The following CTNNBL1 variants were observed in gnomAD, a reference collection of about 807,000 sequenced individuals.
CTNNBL1 encodes catenin beta like 1.
Under a neutral mutation model 72.7 loss-of-function variants are expected in CTNNBL1, and 31 were observed. That is an observed-to-expected ratio of 0.43 (90% CI 0.32 to 0.58). The LOEUF is 0.58. Ranked by LOEUF, CTNNBL1 falls within the 20% of genes least tolerant of loss-of-function variation. The probability of loss-of-function intolerance (pLI) is 0.08; values close to 1 mark genes in which losing one functional copy is unlikely to be tolerated. For missense variants in CTNNBL1, 534 were observed against 725.1 expected, an observed-to-expected ratio of 0.74 and a Z score of 3.03; for synonymous variants, 240 against 267.3, an observed-to-expected ratio of 0.90 and a Z score of 1.00.
chr20:37,850,118 A>G (rs1264045898), intron 13 of CTNNBL1, among the ~76,000 whole-genome samples: 2 of 152,064 alleles, frequency 1.3e-5, no homozygotes, highest in Admixed American at 6.5e-5. Context: ...TCAGCCTTGT[A>G]TTATTGCATC....
At chr20:37,816,924 T>C (rs1459060744) in intron 11 of CTNNBL1, among the ~76,000 whole-genome samples, 1 of 152,202 alleles carries the variant, frequency 6.6e-6, no homozygotes, top group South Asian at 2.1e-4. Context: ...GTGATTTTCC[T>C]GATGATGTGT....
intron 13 of CTNNBL1, among the ~76,000 whole-genome samples, chr20:37,848,853 C>A (rs1207730902): frequency 6.6e-6 from 1 of 151,690 alleles, no homozygotes; most frequent in African/African-American, 2.4e-5. Flanking sequence ...GGCTAAGTGC[C>A]AGGGCCTCCC....
At chr20:37,848,519 C>T (rs1433879843) in intron 13 of CTNNBL1, among the ~76,000 whole-genome samples, 1 of 152,162 alleles carries the variant, frequency 6.6e-6, no homozygotes, top group Non-Finnish European at 1.5e-5. Context: ...CAAAACACAG[C>T]TTACAGCCAG....
At chr20:37,718,039 C>T (rs899463583) in intron 1 of CTNNBL1, among the ~76,000 whole-genome samples, 1 of 152,222 alleles carries the variant, frequency 6.6e-6, no homozygotes, top group African/African-American at 2.4e-5. Context: ...CATCCGATTT[C>T]TCAATCTTTT....
intron 5 of CTNNBL1, among the ~76,000 whole-genome samples, chr20:37,758,298 TGAG>T (rs2073383077): frequency 6.6e-6 from 1 of 152,216 alleles, no homozygotes; most frequent in South Asian, 2.1e-4. Flanking sequence ...TGCCATCTTT[TGAG>T]GAGCCTAGGC....
chr20:37,869,450 G>T (rs1449762139), intron 15 of CTNNBL1, among the ~76,000 whole-genome samples: 1 of 152,242 alleles, frequency 6.6e-6, no homozygotes, highest in East Asian at 1.9e-4. Flanking sequence ...AGTGCAGGCA[G>T]CCATCCTAGT....
chr20:37,738,712 A>C (rs974237366), intron 3 of CTNNBL1, among the ~76,000 whole-genome samples: 1 of 152,250 alleles, frequency 6.6e-6, no homozygotes, highest in Non-Finnish European at 1.5e-5. Flanking sequence ...AAGAAACAGT[A>C]AATACCAAGT....
At chr20:37,699,070 A>C (rs537808006) in intron 1 of CTNNBL1, among the ~76,000 whole-genome samples, 6 of 152,272 alleles carry the variant, frequency 3.9e-5, no homozygotes, top group African/African-American at 1.4e-4. Context: ...AACAAACAAA[A>C]AAACTCCTTG....
chr20:37,711,477 A>G (rs1046442813), intron 1 of CTNNBL1, among the ~76,000 whole-genome samples: 6 of 151,434 alleles, frequency 4.0e-5, no homozygotes, highest in African/African-American at 1.5e-4. Flanking sequence ...CGTTGGGAAT[A>G]AAGTGCTAAA....
At chr20:37,778,434 A>C (rs1324351141) in intron 9 of CTNNBL1, among the ~76,000 whole-genome samples, 2 of 152,278 alleles carry the variant, frequency 1.3e-5, no homozygotes, top group East Asian at 1.9e-4. Context: ...CCTCCACCCC[A>C]AAAATAGAGC....
At chr20:37,707,053 T>G (rs928572376) in intron 1 of CTNNBL1, among the ~76,000 whole-genome samples, 1 of 152,190 alleles carries the variant, frequency 6.6e-6, no homozygotes, top group African/African-American at 2.4e-5. Context: ...GCTTAAAATA[T>G]TCAGTAAACA....
rs562079783 is a variant in CTNNBL1, at chr20:37,855,203, T to C, written c.1393-4696T>C. ...TGTTCTCTCTGAGTTGACTTTTCTGTGCCTTTGTGCATGCTCTTATCTCCT... is the reference window on the plus strand; with the variant it reads ...TGTTCTCTCTGAGTTGACTTTTCTGCGCCTTTGTGCATGCTCTTATCTCCT... On this transcript the variant is annotated intron_variant, in intron 13 of 15. Coordinates refer to ENST00000361383, the MANE Select transcript of CTNNBL1 (RefSeq NM_030877.5). Among the ~76,000 whole-genome samples, 5 of 151,904 alleles carry C rather than the reference T, an allele frequency of 3.3e-5. No individual in the cohort carries two copies. The East Asian group carries it at 7.8e-4, about 24-fold the overall frequency.
At chr20:37,869,504 G>C (rs1179628436) in intron 15 of CTNNBL1, among the ~76,000 whole-genome samples, 1 of 152,254 alleles carries the variant, frequency 6.6e-6, no homozygotes, top group African/African-American at 2.4e-5. Context: ...CTGCTGGGGG[G>C]CCCTCGGCCA....
intron 1 of CTNNBL1, among the ~76,000 whole-genome samples, chr20:37,705,943 GT>G (rs915847617): frequency 2.0e-5 from 3 of 152,128 alleles, no homozygotes; most frequent in Non-Finnish European, 4.4e-5. Context: ...GATATTAAGG[GT>G]TTGGTTCCAA....
chr20:37,840,766 A>T (rs1179088785), intron 12 of CTNNBL1, among the ~76,000 whole-genome samples: 1 of 152,150 alleles, frequency 6.6e-6, no homozygotes, highest in East Asian at 1.9e-4. Context: ...AATTAGATGG[A>T]TTGGGCTATG....
At chr20:37,799,430 G>T (rs1044742610) in intron 10 of CTNNBL1, among the ~76,000 whole-genome samples, 21 of 152,078 alleles carry the variant, frequency 1.4e-4, no homozygotes, top group Non-Finnish European at 4.4e-5. Context: ...GCTCCTACAG[G>T]CTGCACACAC....
At position 37,840,142 on chromosome 20, in the gene CTNNBL1, G is replaced by C; in HGVS notation, c.1254G>C (p.Leu418=). Residue 418 remains leucine (L), a synonymous_variant, in exon 12 of 16, where the codon CTG becomes CTC. Transcript: ENST00000361383. ...TCCTGGCTTCCCTCCTGCGGAACCT[G>C]AGAGGGCAGCAGCGGACCCGGCTTC... is the stretch of plus-strand genomic sequence containing the variant. The part of the protein sequence containing the change: ...CSILASLLRN[L]RGQQRTRLLN... The C allele has an allele frequency of 6.2e-7, 1 of 1,613,976 alleles. No individual in the cohort carries two copies. Among genetic ancestry groups the C allele is most frequent in the Non-Finnish European group, 8.5e-7 (1 of 1,179,930 alleles).
chr20:37,814,495 G>T (rs1488869002), intron 11 of CTNNBL1, among the ~76,000 whole-genome samples: 1 of 152,046 alleles, frequency 6.6e-6, no homozygotes, highest in Non-Finnish European at 1.5e-5. Context: ...TTCCCTACAT[G>T]GTTACCTTGC....
At chr20:37,777,624 T>C (rs1215621376) in intron 8 of CTNNBL1, 30 bp from the exon 9 acceptor site, 29 of 1,609,306 alleles carry the variant, frequency 1.8e-5, no homozygotes, top group Non-Finnish European at 2.1e-5. Flanking sequence ...AGGTTCATTT[T>C]TTTTCTTCCT....
Sources: gnomAD v4.1 joint callset for allele counts (sites outside exome capture counted in the v4.1 genomes callset) on GRCh38, gnomAD v4.1.1 for gene constraint, MANE v1.5 for transcripts, NCBI Gene and HGNC (gene_info 2026-07-23, HGNC 2026-07-21) for gene names.